The following SEMA3G variants were observed in gnomAD, a reference collection of about 807,000 sequenced individuals.
SEMA3G encodes the protein semaphorin-3G.
Under a neutral mutation model 86.2 loss-of-function variants are expected in SEMA3G, and 70 were observed. The observed-to-expected ratio is 0.81, with a 90% CI of 0.67 to 0.99. The LOEUF (loss-of-function observed/expected upper bound fraction) is 0.99, where lower values mean the gene tolerates loss of function less well. SEMA3G is among the 50% of genes least tolerant of loss of function. SEMA3G has a pLI of 0.00. For missense variants in SEMA3G, 1,002 were observed against 1,072.4 expected, an observed-to-expected ratio of 0.93 and a Z score of 0.92; for synonymous variants, 416 against 441.4, an observed-to-expected ratio of 0.94 and a Z score of 0.72.
chr3:52,437,074 C>G (rs1179611527), intron 15 of SEMA3G, among the ~76,000 whole-genome samples: 1 of 152,146 alleles, frequency 6.6e-6, no homozygotes, highest in Non-Finnish European at 1.5e-5. Flanking sequence ...GGGTGGAGGG[C>G]AAGGACCAGT....
At position 52,438,889 on chromosome 3, in the gene SEMA3G, G is replaced by C. The variant is rs1422528008; in HGVS notation, c.1509+31C>G. ...GGCTGCGGAGCAGGGGCAGAAGGGG[G>C]GTCCAAGAGGAGGGTGGCAGCTGTT... On this transcript the variant is annotated intron_variant, in intron 13 of 15. Coordinates refer to ENST00000231721, the MANE Select transcript of SEMA3G (RefSeq NM_020163.3). 3.0e-5 allele frequency: 48 copies of C among 1,611,752 alleles called. No individual in the cohort carries two copies. The Admixed American group carries it at 8.0e-4, about 27-fold the overall frequency.
rs1706068065 is a variant in SEMA3G at position 52,437,522 on chromosome 3, C to T, written c.1878+5G>A. The T allele has an allele frequency of 6.2e-7, 1 of 1,610,608 alleles. No individual in the cohort carries two copies. Among genetic ancestry groups the T allele is most frequent in the Admixed American group, 1.7e-5 (1 of 59,882 alleles). On this transcript the variant is annotated splice_donor_5th_base_variant and intron_variant, in intron 15 of 15. Transcript: ENST00000231721. ...GAGGCTAGAGGCAGGGGTCTCCTCACTCACCTGGTCAGGCCCCTCATCCCC... is the reference window on the plus strand; with the variant it reads ...GAGGCTAGAGGCAGGGGTCTCCTCATTCACCTGGTCAGGCCCCTCATCCCC...
At chr3:52,441,117 C>T (rs1340221618) in intron 7 of SEMA3G, 69 bp from the exon 8 acceptor site, 1 of 1,477,170 alleles carries the variant, frequency 6.8e-7, no homozygotes, top group Non-Finnish European at 9.2e-7. Flanking sequence ...ACTCTTCTAC[C>T]CTCACCCACT....
chr3:52,435,539 G>A lies in SEMA3G; in HGVS notation c.*64C>T, dbSNP rs1706028617. The A allele has an allele frequency of 1.3e-6, 2 of 1,490,596 alleles. No homozygotes were observed. The highest frequency in any genetic ancestry group is 2.3e-4 in the Middle Eastern group (1 of 4,338). The allele number at this position is 1,490,596 out of a possible 1,614,324, so 92.3% of individuals were successfully genotyped here. A position where few individuals can be genotyped will look rare whatever the true frequency, so the allele number is the denominator to read the frequency against. ...CCCCTCTGCCCTAGCTGGGTGGGTG[G>A]GAGATGCTGGGGGCTGCTAGTGGGC... On this transcript the variant is annotated 3_prime_UTR_variant, in exon 16 of 16. Transcript: ENST00000231721.
rs771940680 is a variant in SEMA3G at position 52,439,912 on chromosome 3, C to T, written c.1330G>A (p.Val444Met). ...TCGTAGGTCCCATCCTCTGCCTCCA[C>T]GCGGTCCACCACGATCTGGTGTAGC... ...QQLHQIVVDR[V>M]EAEDGTYDVI... Residue 444 changes from valine (V) to methionine (M), a missense_variant, in exon 11 of 16, where the codon GTG becomes ATG. By Grantham distance (21) the Val-to-Met change is conservative. Coordinates refer to ENST00000231721, the MANE Select transcript of SEMA3G (RefSeq NM_020163.3). 7.4e-6 allele frequency: 12 copies of T among 1,613,708 alleles called. No homozygotes were observed. The highest frequency in any genetic ancestry group is 1.1e-5 in the South Asian group (1 of 91,092).
At chr3:52,443,121 C>G in intron 1 of SEMA3G, 1 of 1,326,298 alleles carries the variant, frequency 7.5e-7, no homozygotes, top group South Asian at 1.3e-5. Flanking sequence ...GCCCAGCCTA[C>G]CCTGGGGCCT....
In SEMA3G at chr3:52,438,066, G is replaced by T. The variant is rs1559609209; in HGVS notation, c.1643C>A (p.Thr548Asn). The T allele has an allele frequency of 1.2e-6, 2 of 1,613,220 alleles. No homozygotes were observed. Among genetic ancestry groups the T allele is most frequent in the Non-Finnish European group, 1.7e-6 (2 of 1,180,028 alleles). Residue 548 changes from threonine (T) to asparagine (N), a missense_variant, in exon 14 of 16, where the codon ACC (threonine) becomes AAC (asparagine). Transcript: ENST00000231721. ...PYCAWDGASCTHYRPSLGKRR... is the reference protein window; with the variant it reads ...PYCAWDGASCNHYRPSLGKRR... ...CTTGCCAAGGCTGGGGCGGTAGTGG[G>T]TACAGGAGGCACCATCCCAGGCACA...
At position 52,435,457 on chromosome 3, in the gene SEMA3G, C is replaced by G; in HGVS notation, c.*146G>C. 5.3e-6 allele frequency: 4 copies of G among 751,966 alleles called. No homozygotes were observed. The South Asian group carries it at 7.1e-5, about 13-fold the overall frequency. 46.6% of individuals were successfully genotyped at this position (751,966 alleles called of 1,614,324 possible). On this transcript the variant is annotated 3_prime_UTR_variant, in exon 16 of 16. Transcript: ENST00000231721. ...AAGAACCCAGCCCCTCCATTAGACC[C>G]CAGTAGCGGTGTGGGGGCAGAGACA...
intron 12 of SEMA3G, among the ~76,000 whole-genome samples, 160 bp downstream of exon 12, chr3:52,439,520 G>T (rs558621646): frequency 8.5e-5 from 13 of 152,264 alleles, no homozygotes; most frequent in Non-Finnish European, 1.6e-4. Context: ...CGGGGTGGAG[G>T]GGGGGCATCT....
rs1706182227 is a variant in SEMA3G at position 52,442,700 on chromosome 3, G to T, written c.276+47C>A. 6.2e-7 allele frequency: 1 copy of T among 1,613,636 alleles called. No individual in the cohort carries two copies. The highest frequency in any genetic ancestry group is 2.2e-5 in the East Asian group (1 of 44,886). On this transcript the variant is annotated intron_variant, in intron 2 of 15. Coordinates refer to ENST00000231721, the MANE Select transcript of SEMA3G (RefSeq NM_020163.3). The surrounding 1 kb of genome is among the most constrained non-coding windows in gnomAD (Gnocchi z 6.1). ...TTCCCCATCTGGCCTCCCATCTGGA[G>T]GTGCCCAGTTCTCAAACAGACCCTC...
At position 52,440,366 on chromosome 3, in the gene SEMA3G, C is replaced by A; in HGVS notation, c.1143+11G>T. 2 of 1,589,978 alleles carry A rather than the reference C, an allele frequency of 1.3e-6. No individual in the cohort carries two copies. The highest frequency in any genetic ancestry group is 2.0e-4 in the Middle Eastern group (1 of 5,112). The stretch of plus-strand genomic sequence containing the variant: ...CCTCGCTTCCCTGGCCTGGCCCCAG[C>A]AGATACTCACCACGCCAGGGCGAGG... On this transcript the variant is annotated intron_variant, in intron 10 of 15. Transcript: ENST00000231721.
chr3:52,445,089 C>T lies in SEMA3G; in HGVS notation c.-62G>A, dbSNP rs1049894521. ...AGAGCCGCCCTCTGGTCCCGCTGGC[C>T]GCCGGTTGTAGTTTGCTCTGCTGCC... On this transcript the variant is annotated 5_prime_UTR_variant, in exon 1 of 16. Transcript: ENST00000231721. 384 of 1,250,596 alleles carry T rather than the reference C, an allele frequency of 3.1e-4. No individual in the cohort carries two copies. Among genetic ancestry groups the T allele is most frequent in the Middle Eastern group, 6.1e-4 (2 of 3,280 alleles). The allele number at this position is 1,250,596 out of a possible 1,614,324, so 77.5% of individuals were successfully genotyped here.
intron 15 of SEMA3G, among the ~76,000 whole-genome samples, chr3:52,437,047 G>A (rs933362971): frequency 6.6e-6 from 1 of 152,212 alleles, no homozygotes; most frequent in Admixed American, 6.5e-5. Context: ...GGGAGGAAGT[G>A]TGGGGCCAGG....
In SEMA3G at chr3:52,444,928, G is replaced by T; in HGVS notation, c.100C>A (p.Arg34=). 7.7e-7 allele frequency: 1 copy of T among 1,302,828 alleles called. No homozygotes were observed. The highest frequency in any genetic ancestry group is 2.9e-4 in the Middle Eastern group (1 of 3,464). The allele number at this position is 1,302,828 out of a possible 1,614,324, so 80.7% of individuals were successfully genotyped here. ...PSPGPSVPRL[R]LSYRDLLSAN... The stretch of plus-strand genomic sequence containing the variant: ...GGGCTGGTACCTCGGTAGGAGAGCC[G>T]CAGGCGGGGCACACTGGGGCCGGGG... The change falls in exon 1 of 16, where the codon CGG becomes AGG. Residue 34 remains arginine (R), a synonymous_variant. Transcript: ENST00000231721.
rs1037100096 is a variant in SEMA3G at position 52,440,238 on chromosome 3, C to G, written c.1143+139G>C. The G allele has an allele frequency of 7.2e-6, 8 of 1,103,630 alleles. No homozygotes were observed. The Admixed American group carries it at 2.3e-4, about 31-fold the overall frequency. The allele number at this position is 1,103,630 out of a possible 1,614,324, so 68.4% of individuals were successfully genotyped here. On this transcript the variant is annotated intron_variant, in intron 10 of 15. Coordinates refer to ENST00000231721, the MANE Select transcript of SEMA3G (RefSeq NM_020163.3). ...CTCTTCCACTACACCCACCCCACCC[C>G]ACCCAGGCCCTCTGGAGCCCAGGCT...
chr3:52,437,541 C>T lies in SEMA3G; in HGVS notation c.1864G>A (p.Glu622Lys). 3 of 1,612,778 alleles carry T rather than the reference C, an allele frequency of 1.9e-6. No homozygotes were observed. Among genetic ancestry groups the T allele is most frequent in the Non-Finnish European group, 2.5e-6 (3 of 1,179,736 alleles). ...VRWLLQRPGD[E>K]GPDQVKTDER... The stretch of plus-strand genomic sequence containing the variant: ...TCCTCACTCACCTGGTCAGGCCCCT[C>T]ATCCCCTGGCCTCTGCAAGAGCCAG... The change falls in exon 15 of 16, where the codon GAG becomes AAG. Residue 622 changes from glutamate (E) to lysine (K), a missense_variant. Coordinates refer to ENST00000231721, the MANE Select transcript of SEMA3G (RefSeq NM_020163.3).
At chr3:52,436,608 C>T (rs1706053242) in intron 15 of SEMA3G, among the ~76,000 whole-genome samples, 1 of 152,238 alleles carries the variant, frequency 6.6e-6, no homozygotes, top group Non-Finnish European at 1.5e-5. Flanking sequence ...CCGTTCATTC[C>T]CCCAACGGTG....
intron 15 of SEMA3G, among the ~76,000 whole-genome samples, chr3:52,436,452 G>T (rs1329542323): frequency 6.6e-6 from 1 of 152,246 alleles, no homozygotes; most frequent in African/African-American, 2.4e-5. Context: ...CTTTTCTCAA[G>T]GGAGGGGCTG....
Position 52,440,238 on chromosome 3 carries a change from C to T in SEMA3G, c.1143+139G>A, listed in dbSNP as rs1037100096. The T allele has an allele frequency of 1.0e-5, 11 of 1,103,512 alleles. No individual in the cohort carries two copies. The Admixed American group carries it at 3.1e-4, about 31-fold the overall frequency. The allele number at this position is 1,103,512 out of a possible 1,614,324, so 68.4% of individuals were successfully genotyped here. Reference sequence around the variant, plus strand: ...CTCTTCCACTACACCCACCCCACCCCACCCAGGCCCTCTGGAGCCCAGGCT... The same window carrying T: ...CTCTTCCACTACACCCACCCCACCCTACCCAGGCCCTCTGGAGCCCAGGCT... On this transcript the variant is annotated intron_variant, in intron 10 of 15. Transcript: ENST00000231721.
Sources: gnomAD v4.1 joint callset for allele counts (sites outside exome capture counted in the v4.1 genomes callset) on GRCh38, gnomAD v4.1.1 for gene constraint, Gnocchi (gnomAD v3.1) non-coding constraint, MANE v1.5 for transcripts, NCBI Gene and HGNC (gene_info 2026-07-23, HGNC 2026-07-21) for gene names.